Variants in OPCML observed in about 807,000 individuals in gnomAD.
The protein encoded by OPCML is opioid-binding protein/cell adhesion molecule.
A neutral mutation model predicts 37.8 loss-of-function variants in OPCML; 13 were observed. That is an observed-to-expected ratio of 0.34 (90% CI 0.22 to 0.55). The LOEUF (loss-of-function observed/expected upper bound fraction) is 0.55. Among genes scored for constraint, OPCML ranks in the 20% least tolerant of loss-of-function variants. OPCML has a pLI of 0.91. For synonymous variants in OPCML, 176 were observed against 168.8 expected (o/e 1.04, Z -0.33); for missense variants, 341 against 435.6 (o/e 0.78, Z 1.93).
At chr11:132,454,189 C>A (rs150698584) in intron 4 of OPCML, among the ~76,000 whole-genome samples, 21 of 152,272 alleles carry the variant, frequency 1.4e-4, no homozygotes, top group African/African-American at 4.8e-4. Flanking sequence ...CTTAATTGGT[C>A]TCATTTGTAT....
chr11:133,413,962 A>G (rs1269641677), intron 1 of OPCML, among the ~76,000 whole-genome samples: 2 of 152,166 alleles, frequency 1.3e-5, no homozygotes, highest in Non-Finnish European at 2.9e-5. Flanking sequence ...CCAAAGAGCA[A>G]AAAGCAAGAG....
intron 1 of OPCML, chr11:133,423,412 T>C (rs2136899857): frequency 1.0e-6 from 1 of 985,366 alleles, no homozygotes; most frequent in Non-Finnish European, 1.2e-6. Context: ...AGGAGATAAC[T>C]CAGAGAGTTC....
At chr11:132,972,554 C>T (rs2136759373) in intron 1 of OPCML, among the ~76,000 whole-genome samples, 1 of 152,290 alleles carries the variant, frequency 6.6e-6, no homozygotes, top group African/African-American at 2.4e-5. Context: ...TTAAAGCCAT[C>T]GTTTGTCATG....
intron 1 of OPCML, among the ~76,000 whole-genome samples, chr11:133,294,537 A>G (rs1592175256): frequency 1.3e-5 from 2 of 152,120 alleles, no homozygotes; most frequent in African/African-American, 4.8e-5. Flanking sequence ...AGAAAATATT[A>G]AACATTTCTT....
chr11:133,044,803 C>A (rs1365990772), intron 1 of OPCML, among the ~76,000 whole-genome samples: 2 of 152,080 alleles, frequency 1.3e-5, no homozygotes, highest in Non-Finnish European at 2.9e-5. Flanking sequence ...TACAGGGGAG[C>A]ATACAGAACG....
rs181194133 is a variant in OPCML at position 132,728,232 on chromosome 11, G to A, written c.147-70913C>T. Among the ~76,000 whole-genome samples the A allele has an allele frequency of 7.9e-3, 1,204 of 152,288 alleles. 16 individuals are homozygous for A. The highest frequency in any genetic ancestry group is 9.1e-3 in the Non-Finnish European group (617 of 68,020). On this transcript the variant is annotated intron_variant, in intron 2 of 7. Coordinates refer to ENST00000524381, the MANE Select transcript of OPCML (RefSeq NM_001012393.5). ...GCTCCTGTAGCCCCAGGCAGAAAGG[G>A]AGTTGCGAATTATTTGAGGATATGC...
chr11:133,004,896 C>T, intron 1 of OPCML: 1 of 985,388 alleles, frequency 1.0e-6, no homozygotes, highest in Non-Finnish European at 1.2e-6. Flanking sequence ...CCACTGTATC[C>T]CTCACTAGCT....
At position 132,816,169 on chromosome 11, in the gene OPCML, G is replaced by A. The variant is rs80311688; in HGVS notation, c.146+126757C>T. 4.6e-5 allele frequency among the ~76,000 whole-genome samples: 7 copies of A among 152,192 alleles called. 1 individual carries two copies. In the East Asian group the frequency reaches 7.7e-4, roughly 17 times the overall value. On this transcript the variant is annotated intron_variant, in intron 2 of 7. Transcript: ENST00000524381. ...AGCAGCATGAAAAATCACGTAGGAT[G>A]ATACTGATTCCAACTTCATGGCATT...
At chr11:132,523,708 C>T (rs1374176469) in intron 4 of OPCML, among the ~76,000 whole-genome samples, 3 of 152,214 alleles carry the variant, frequency 2.0e-5, no homozygotes, top group Admixed American at 6.5e-5. Context: ...AAGATACAAT[C>T]GATATGTATA....
intron 1 of OPCML, among the ~76,000 whole-genome samples, chr11:133,252,456 A>G (rs564551869): frequency 6.6e-6 from 1 of 152,110 alleles, no homozygotes; most frequent in African/African-American, 2.4e-5. Flanking sequence ...TTGTAAATTA[A>G]TCTGTCACCC....
intron 1 of OPCML, among the ~76,000 whole-genome samples, chr11:133,474,919 C>A (rs909862486): frequency 1.3e-5 from 2 of 152,244 alleles, no homozygotes; most frequent in South Asian, 4.2e-4. Context: ...CAGGAGGTAC[C>A]AGTGACGTGC....
In OPCML at chr11:133,524,895, G is replaced by C. The variant is rs116390302; in HGVS notation, c.61+7369C>G. Among the ~76,000 whole-genome samples, 947 of 152,346 alleles carry C rather than the reference G, an allele frequency of 6.2e-3. 9 individuals are homozygous for C. The highest frequency in any genetic ancestry group is 0.022 in the African/African-American group (905 of 41,594). On this transcript the variant is annotated intron_variant, in intron 1 of 7. Transcript: ENST00000524381. ...CTCAATGCCTTTGAGGACTCAGTGG[G>C]ATGGAACAGAATGATTGCCTAAAGT...
rs553845766 is a variant in OPCML, at chr11:132,415,428, G to A, written c.*4765C>T. The A allele has an allele frequency of 5.9e-5, 9 of 152,206 alleles. No individual in the cohort carries two copies. Among genetic ancestry groups the A allele is most frequent in the Admixed American group, 3.9e-4 (6 of 15,278 alleles). 9.4% of individuals were successfully genotyped at this position (152,206 alleles called of 1,614,324 possible). A position where few individuals can be genotyped will look rare whatever the true frequency, so the allele number is the denominator to read the frequency against. ...CACTTGACATGTCACGAAAATTTCC[G>A]AACGATTAAAAATGCTCCCTTTAAC... On this transcript the variant is annotated 3_prime_UTR_variant, in exon 8 of 8. Coordinates refer to ENST00000524381, the MANE Select transcript of OPCML (RefSeq NM_001012393.5).
At chr11:133,101,113 C>T (rs377266221) in intron 1 of OPCML, among the ~76,000 whole-genome samples, 4 of 151,930 alleles carry the variant, frequency 2.6e-5, no homozygotes, top group African/African-American at 2.4e-5. Flanking sequence ...TTAGTAGAGA[C>T]GGGGTTTCAC....
intron 1 of OPCML, among the ~76,000 whole-genome samples, chr11:133,331,620 T>C (rs1565576653): frequency 1.3e-5 from 2 of 152,234 alleles, no homozygotes; most frequent in Non-Finnish European, 2.9e-5. Flanking sequence ...TTAAGACTTG[T>C]CAATTACATA....
chr11:132,871,338 T>C (rs1245028769), intron 2 of OPCML, among the ~76,000 whole-genome samples: 1 of 152,192 alleles, frequency 6.6e-6, no homozygotes, highest in Non-Finnish European at 1.5e-5. Context: ...AAATATCACA[T>C]GTACCCCATA....
At chr11:133,440,782 CTGTG>C (rs58071870) in intron 1 of OPCML, among the ~76,000 whole-genome samples, 13 of 129,574 alleles carry the variant, frequency 1.0e-4, no homozygotes, top group African/African-American at 1.9e-4. Context: ...ATATATATAT[CTGTG>C]TGTGTGTGTG....
In OPCML at chr11:133,046,915, CG is replaced by C. The variant is rs1381599747; in HGVS notation, c.62-103906del. On this transcript the variant is annotated intron_variant, in intron 1 of 7. Coordinates refer to ENST00000524381, the MANE Select transcript of OPCML (RefSeq NM_001012393.5). The stretch of plus-strand genomic sequence containing the variant: ...GGCATTGTTCTAATAAGTTAGGAGC[CG>C]GGGAGTGGAAGGGGATATTTTTAAC... 9.2e-5 allele frequency among the ~76,000 whole-genome samples: 14 copies of C among 151,698 alleles called. No individual in the cohort carries two copies. In the East Asian group the frequency reaches 2.7e-3, roughly 29 times the overall value.
At chr11:132,784,115 G>T (rs1591605359) in intron 2 of OPCML, among the ~76,000 whole-genome samples, 1 of 152,130 alleles carries the variant, frequency 6.6e-6, no homozygotes, top group Non-Finnish European at 1.5e-5. Flanking sequence ...GTAGCAACCT[G>T]CCCAGAAAAC....
Sources: allele counts gnomAD v4.1 joint callset (sites outside exome capture counted in the v4.1 genomes callset), GRCh38; gene constraint gnomAD v4.1.1; transcripts MANE v1.5; gene names NCBI Gene and HGNC (gene_info 2026-07-23, HGNC 2026-07-21).